CALR: variants seen among roughly 807,000 people sequenced by gnomAD.
The protein encoded by CALR is calreticulin.
CALR carries 15 observed loss-of-function variants against 51.1 expected under a neutral mutation model. The ratio of observed to expected loss-of-function variants is 0.29; its 90% CI spans 0.20 to 0.45. CALR has a LOEUF of 0.45. Among genes scored for constraint, CALR ranks in the 20% least tolerant of loss-of-function variants. The pLI, the probability that CALR is intolerant of heterozygous loss-of-function variation, is 1.00. For missense variants in CALR, 477 were observed against 530.6 expected, an observed-to-expected ratio of 0.90 and a Z score of 0.99; for synonymous variants, 239 against 205.9, an observed-to-expected ratio of 1.16 and a Z score of -1.38.
chr19:12,943,910 G>C lies in CALR; in HGVS notation c.1251G>C (p.Leu417=). 1 of 1,602,398 alleles carries C rather than the reference G, an allele frequency of 6.2e-7. No homozygotes were observed. The highest frequency in any genetic ancestry group is 1.1e-5 in the South Asian group (1 of 88,920). Residue 417 remains leucine (L), a synonymous_variant, in exon 9 of 9, where the codon CTG becomes CTC. Transcript: ENST00000316448. ...EDVPGQAKDE[L] is the part of the protein sequence containing the mutation. Reference sequence around the variant, plus strand: ...TCCCCGGCCAGGCCAAGGACGAGCTGTAGAGAGGCCTGCCTCCAGGGCTGG... The same window carrying C: ...TCCCCGGCCAGGCCAAGGACGAGCTCTAGAGAGGCCTGCCTCCAGGGCTGG...
At chr19:12,941,150 C>T (rs892381118) in intron 7 of CALR, among the ~76,000 whole-genome samples, 6 of 152,160 alleles carry the variant, frequency 3.9e-5, no homozygotes, top group African/African-American at 1.4e-4. Context: ...GGTCAGGTAA[C>T]CCAGTTAGTT....
intron 2 of CALR, 66 bp downstream of exon 2, chr19:12,939,301 C>T (rs1250006501): frequency 7.0e-6 from 10 of 1,429,214 alleles, no homozygotes; most frequent in Non-Finnish European, 9.8e-6. Context: ...TGTCTGTACA[C>T]ACACAGCCGG....
rs1225288519 is a variant in CALR, at chr19:12,939,462, T to C, written c.228T>C (p.Ala76=). Residue 76 remains alanine (A), a synonymous_variant, in exon 3 of 9, where the codon GCT becomes GCC. Coordinates refer to ENST00000316448, the MANE Select transcript of CALR (RefSeq NM_004343.4). Reference sequence around the variant, plus strand: ...CAAGCCAGGATGCACGCTTTTATGCTCTGTCGGCCAGTTTCGAGCCTTTCA... The same window carrying C: ...CAAGCCAGGATGCACGCTTTTATGCCCTGTCGGCCAGTTTCGAGCCTTTCA... ...LQTSQDARFY[A]LSASFEPFSN... The C allele has an allele frequency of 6.2e-7, 1 of 1,612,500 alleles. No homozygotes were observed.
rs546277059 is a variant in CALR, at chr19:12,944,191, T to C, written c.*278T>C. On this transcript the variant is annotated 3_prime_UTR_variant, in exon 9 of 9. Coordinates refer to ENST00000316448, the MANE Select transcript of CALR (RefSeq NM_004343.4). ...TGATCAACATCTTTTCTTGCCTCTGTCCCCTTCTCTCATCTCTTAGCTCCC... is the reference window on the plus strand; with the variant it reads ...TGATCAACATCTTTTCTTGCCTCTGCCCCCTTCTCTCATCTCTTAGCTCCC... 15 of 539,876 alleles carry C rather than the reference T, an allele frequency of 2.8e-5. No homozygotes were observed. Among genetic ancestry groups the C allele is most frequent in the Non-Finnish European group, 4.6e-5 (14 of 305,450 alleles). 33.4% of individuals were successfully genotyped at this position (539,876 alleles called of 1,614,324 possible).
rs1012156672 is a variant in CALR at position 12,940,353 on chromosome 19, C to G, written c.603C>G (p.Asp201Glu). The G allele has an allele frequency of 4.3e-6, 7 of 1,614,084 alleles. No homozygotes were observed. Among genetic ancestry groups the G allele is most frequent in the Non-Finnish European group, 5.9e-6 (7 of 1,180,044 alleles). Residue 201 changes from aspartate to glutamate, a missense_variant, in exon 5 of 9, where the codon GAC (aspartate) becomes GAG (glutamate). Coordinates refer to ENST00000316448, the MANE Select transcript of CALR (RefSeq NM_004343.4). Reference sequence around the variant, plus strand: ...CCGGCTCCTTGGAAGACGATTGGGACTTCCTGCCACCCAAGAAGATAAAGG... The same window carrying G: ...CCGGCTCCTTGGAAGACGATTGGGAGTTCCTGCCACCCAAGAAGATAAAGG... Reference protein sequence around the residue: ...VESGSLEDDWDFLPPKKIKDP... With the variant: ...VESGSLEDDWEFLPPKKIKDP...
In CALR at chr19:12,939,470, C is replaced by T. The variant is rs1216454628; in HGVS notation, c.236C>T (p.Ala79Val). The T allele has an allele frequency of 6.2e-7, 1 of 1,612,456 alleles. No homozygotes were observed. The highest frequency in any genetic ancestry group is 8.5e-7 in the Non-Finnish European group (1 of 1,180,038). The change falls in exon 3 of 9, where the codon GCC (alanine) becomes GTC (valine). Residue 79 changes from alanine (A) to valine (V), a missense_variant. Coordinates refer to ENST00000316448, the MANE Select transcript of CALR (RefSeq NM_004343.4). ...SQDARFYALSASFEPFSNKGQ... is the reference protein window; with the variant it reads ...SQDARFYALSVSFEPFSNKGQ... ...GATGCACGCTTTTATGCTCTGTCGG[C>T]CAGTTTCGAGCCTTTCAGCAACAAA... is the stretch of plus-strand genomic sequence containing the variant.
At chr19:12,939,045 CCCCAG>C (rs1971506806) in intron 1 of CALR, 84 bp from the exon 2 acceptor site, 2 of 818,666 alleles carry the variant, frequency 2.4e-6, no homozygotes, top group Non-Finnish European at 4.2e-6. Context: ...CCTTTCCTGT[CCCCAG>C]CAGCTTGTGG....
intron 7 of CALR, chr19:12,943,300 G>C: frequency 3.7e-6 from 2 of 541,038 alleles, no homozygotes; most frequent in East Asian, 3.3e-5. Context: ...TAGCCAGGGT[G>C]GTCTCGATCT....
chr19:12,939,482 C>G lies in CALR; in HGVS notation c.248C>G (p.Pro83Arg), dbSNP rs765669905. 6.2e-7 allele frequency: 1 copy of G among 1,612,852 alleles called. No individual in the cohort carries two copies. The highest frequency in any genetic ancestry group is 1.1e-5 in the South Asian group (1 of 91,018). ...RFYALSASFEPFSNKGQTLVV... is the reference protein window; with the variant it reads ...RFYALSASFERFSNKGQTLVV... ...TATGCTCTGTCGGCCAGTTTCGAGCCTTTCAGCAACAAAGGCCAGACGCTG... is the reference window on the plus strand; with the variant it reads ...TATGCTCTGTCGGCCAGTTTCGAGCGTTTCAGCAACAAAGGCCAGACGCTG... The change falls in exon 3 of 9, where the codon CCT becomes CGT. Residue 83 changes from proline to arginine, a missense_variant. Pro to Arg is a moderately radical substitution (Grantham distance 103). Coordinates refer to ENST00000316448, the MANE Select transcript of CALR (RefSeq NM_004343.4).
chr19:12,942,593 CTT>C (rs527758922), intron 7 of CALR, among the ~76,000 whole-genome samples: 70 of 133,274 alleles, frequency 5.3e-4, no homozygotes, highest in Admixed American at 6.1e-4. Context: ...GTCTCTCCAT[CTT>C]TTTTTTTTTT....
rs11547567 is a variant in CALR, at chr19:12,938,659, T to C, written c.-21T>C. ...AGGGTCGTTTTAAAGGGCCCGCGCG[T>C]TGCCGCCCCCTCGGCCCGCCATGCT... On this transcript the variant is annotated 5_prime_UTR_variant, in exon 1 of 9. Transcript: ENST00000316448. The C allele has an allele frequency of 0.01, 16,099 of 1,593,522 alleles. 1,484 individuals are homozygous for C. The African/African-American group carries it at 0.19, about 19-fold the overall frequency.
Position 12,939,619 on chromosome 19 carries a change from A to G in CALR, c.385A>G (p.Asn129Asp), listed in dbSNP as rs778770240. ...AGACATGCACGGAGACTCAGAATAC[A>G]ACATCATGTTTGGTGAGGGCCTGCT... ...QTDMHGDSEY[N>D]IMFGPDICGP... The change falls in exon 3 of 9, where the codon AAC becomes GAC. Residue 129 changes from asparagine (N) to aspartate (D), a missense_variant. Coordinates refer to ENST00000316448, the MANE Select transcript of CALR (RefSeq NM_004343.4). The G allele has an allele frequency of 1.2e-5, 19 of 1,613,912 alleles. No individual in the cohort carries two copies. In the South Asian group the frequency reaches 1.6e-4, roughly 14 times the overall value.
In CALR at chr19:12,940,860, T is replaced by C. The variant is rs761731344; in HGVS notation, c.933T>C (p.Phe311=). The C allele has an allele frequency of 2.5e-6, 4 of 1,613,992 alleles. No individual in the cohort carries two copies. Among genetic ancestry groups the C allele is most frequent in the Non-Finnish European group, 2.5e-6 (3 of 1,180,020 alleles). ...CCAGTATCTATGCCTATGATAACTT[T>C]GGCGTGCTGGGCCTGGACCTCTGGC... The part of the protein sequence containing the change: ...PDPSIYAYDN[F]GVLGLDLWQV... The change falls in exon 7 of 9, where the codon TTT becomes TTC. Residue 311 remains phenylalanine (F), a synonymous_variant. Coordinates refer to ENST00000316448, the MANE Select transcript of CALR (RefSeq NM_004343.4).
chr19:12,943,685 G>C, intron 8 of CALR, 28 bp from the exon 9 acceptor site: 1 of 1,614,168 alleles, frequency 6.2e-7, no homozygotes. Flanking sequence ...CAGGGGGCAA[G>C]GCCCTGAGGT....
chr19:12,944,315 G>A lies in CALR; in HGVS notation c.*402G>A. ...GAGGAGGGCAGCAGAAGGGGGTGGT[G>A]TCTCCAACCCCCCAGCACTGAGGAA... On this transcript the variant is annotated 3_prime_UTR_variant, in exon 9 of 9. Transcript: ENST00000316448. The A allele has an allele frequency of 2.7e-6, 1 of 371,796 alleles. No individual in the cohort carries two copies. The highest frequency in any genetic ancestry group is 5.1e-6 in the Non-Finnish European group (1 of 197,562). The allele number at this position is 371,796 out of a possible 1,614,324, so 23.0% of individuals were successfully genotyped here. A position where few individuals can be genotyped will look rare whatever the true frequency, so the allele number is the denominator to read the frequency against.
rs775581620 is a variant in CALR, at chr19:12,938,731, G to C, written c.52G>C (p.Glu18Gln). ...LLGLLGLAVAEPAVYFKEQFL... is the reference protein window; with the variant it reads ...LLGLLGLAVAQPAVYFKEQFL... ...CGGCCTCCTCGGCCTGGCCGTCGCC[G>C]AGCCTGCCGTCTACTTCAAGGAGCA... Residue 18 changes from glutamate (E) to glutamine (Q), a missense_variant, in exon 1 of 9, where the codon GAG (glutamate) becomes CAG (glutamine). Glu to Gln is a conservative substitution (Grantham distance 29). Transcript: ENST00000316448. The C allele has an allele frequency of 1.5e-5, 24 of 1,611,592 alleles. No individual in the cohort carries two copies. The highest frequency in any genetic ancestry group is 2.7e-5 in the African/African-American group (2 of 74,910).
At chr19:12,943,427 G>A in intron 7 of CALR, 110 bp from the exon 8 acceptor site, 1 of 930,250 alleles carries the variant, frequency 1.1e-6, no homozygotes, top group Non-Finnish European at 1.7e-6. Context: ...TGTCTTCTCT[G>A]CAGATGCAGG....
intron 7 of CALR, chr19:12,943,327 G>A (rs190933079): frequency 1.5e-4 from 92 of 594,940 alleles, no homozygotes; most frequent in Admixed American, 1.4e-3. Context: ...CTCGTGATCC[G>A]CCCACCTTGG....
intron 5 of CALR, 24 bp from the exon 6 acceptor site, chr19:12,940,517 C>G (rs779911705): frequency 6.2e-7 from 1 of 1,613,600 alleles, no homozygotes; most frequent in Non-Finnish European, 8.5e-7. Context: ...TGGGCCAACT[C>G]TGATCTCTTC....
Sources: allele counts gnomAD v4.1 joint callset (sites outside exome capture counted in the v4.1 genomes callset), GRCh38; gene constraint gnomAD v4.1.1; transcripts MANE v1.5; gene names NCBI Gene and HGNC (gene_info 2026-07-23, HGNC 2026-07-21).